SNX29: variants seen among roughly 807,000 people sequenced by gnomAD.
The protein encoded by SNX29 is sorting nexin-29.
SNX29 carries 78 observed loss-of-function variants against 102.1 expected under a neutral mutation model. The observed-to-expected ratio is 0.76, with a 90% CI of 0.64 to 0.92. The LOEUF is 0.92. SNX29 is among the 40% of genes least tolerant of loss of function. SNX29 has a pLI of 0.00. For synonymous variants in SNX29, 580 were observed against 414.5 expected, an observed-to-expected ratio of 1.40 and a Z score of -4.85; for missense variants, 1,280 against 1,061.7, an observed-to-expected ratio of 1.21 and a Z score of -2.86.
At chr16:12,479,699 A>G (rs1180770395) in intron 19 of SNX29, among the ~76,000 whole-genome samples, 2 of 152,242 alleles carry the variant, frequency 1.3e-5, no homozygotes, top group Non-Finnish European at 2.9e-5. Context: ...GTTATTCAGA[A>G]TGTCCTAAAA....
At chr16:12,049,399 C>T (rs62037740) in intron 7 of SNX29, among the ~76,000 whole-genome samples, 59,013 of 150,646 alleles carry the variant, frequency 0.39, 12,219 homozygotes, top group Middle Eastern at 0.5. Context: ...GTGGCATGAT[C>T]TCAGCTCACT....
chr16:12,359,454 C>G (rs2082239041), intron 16 of SNX29, among the ~76,000 whole-genome samples: 1 of 152,204 alleles, frequency 6.6e-6, no homozygotes, highest in Non-Finnish European at 1.5e-5. Flanking sequence ...CTTCTCACAG[C>G]CTTTGTCCAT....
chr16:12,266,733 G>T (rs1457601961), intron 14 of SNX29, among the ~76,000 whole-genome samples: 1 of 149,484 alleles, frequency 6.7e-6, no homozygotes, highest in Non-Finnish European at 1.5e-5. Flanking sequence ...GTGGTTCTTG[G>T]TCTTGTTCTT....
At chr16:12,369,944 C>G (rs1264284068) in intron 16 of SNX29, among the ~76,000 whole-genome samples, 1 of 152,210 alleles carries the variant, frequency 6.6e-6, no homozygotes, top group African/African-American at 2.4e-5. Flanking sequence ...AGGCCAGGCA[C>G]AGTGGCTGAT....
At chr16:12,568,219 T>C (rs2079094047) in intron 20 of SNX29, among the ~76,000 whole-genome samples, 2 of 150,700 alleles carry the variant, frequency 1.3e-5, no homozygotes, top group East Asian at 4.0e-4. Context: ...CATTCTTTCA[T>C]AGCCTTAAAA....
At position 12,098,615 on chromosome 16, in the gene SNX29, C is replaced by A. The variant is rs3851011; in HGVS notation, c.1402+19700C>A. On this transcript the variant is annotated intron_variant, in intron 11 of 20. Transcript: ENST00000566228. The surrounding 1 kb of genome is among the most constrained non-coding windows in gnomAD (Gnocchi z 6.0). ...CATGCTCTTCCGTCTGCCGGGACACCCTCCCCTCTCCTCCTCTTTTGCCTG... is the reference window on the plus strand; with the variant it reads ...CATGCTCTTCCGTCTGCCGGGACACACTCCCCTCTCCTCCTCTTTTGCCTG... Among the ~76,000 whole-genome samples the A allele has an allele frequency of 0.2, 30,026 of 152,122 alleles. 3,053 individuals are homozygous for A. Among genetic ancestry groups the A allele is most frequent in the Admixed American group, 0.25 (3,886 of 15,286 alleles).
At chr16:12,349,776 C>G (rs1424155192) in intron 15 of SNX29, among the ~76,000 whole-genome samples, 2 of 152,030 alleles carry the variant, frequency 1.3e-5, no homozygotes, top group African/African-American at 4.8e-5. Context: ...TGCAGTTTGG[C>G]TTTTTTTCAT....
intron 20 of SNX29, among the ~76,000 whole-genome samples, chr16:12,547,977 T>G (rs1327739834): frequency 1.3e-5 from 2 of 152,170 alleles, no homozygotes; most frequent in East Asian, 3.9e-4. Context: ...GGAGACAGCA[T>G]GGCACAGGGG....
chr16:12,072,204 G>A (rs895616685), intron 10 of SNX29, among the ~76,000 whole-genome samples: 2 of 151,938 alleles, frequency 1.3e-5, no homozygotes, highest in African/African-American at 4.8e-5. Context: ...TCAACACTAT[G>A]TTGAATAGGA....
At chr16:12,435,518 A>G (rs951921921) in intron 18 of SNX29, among the ~76,000 whole-genome samples, 7 of 152,158 alleles carry the variant, frequency 4.6e-5, no homozygotes, top group Admixed American at 1.3e-4. Context: ...GGCTTTGGCT[A>G]CTTCCATTTT....
chr16:12,078,447 G>A (rs1358215232), intron 10 of SNX29, among the ~76,000 whole-genome samples: 2 of 151,884 alleles, frequency 1.3e-5, no homozygotes, highest in African/African-American at 4.8e-5. Flanking sequence ...AGAAAGAAAA[G>A]TGGAAAAAAA....
At chr16:12,443,816 AAGTT>A (rs368715561) in intron 18 of SNX29, among the ~76,000 whole-genome samples, 12 of 152,242 alleles carry the variant, frequency 7.9e-5, no homozygotes, top group African/African-American at 2.4e-4. Flanking sequence ...TTGGTCTAGT[AAGTT>A]AGTCTGTCTG....
chr16:12,514,703 A>G (rs1051912941), intron 19 of SNX29, among the ~76,000 whole-genome samples: 3 of 152,148 alleles, frequency 2.0e-5, no homozygotes, highest in Non-Finnish European at 4.4e-5. Flanking sequence ...CGTCTCTAGT[A>G]AAAATAGAAA....
In SNX29 at chr16:12,366,315, A is replaced by G. The variant is rs184130353; in HGVS notation, c.1899+10036A>G. On this transcript the variant is annotated intron_variant, in intron 16 of 20. Coordinates refer to ENST00000566228, the MANE Select transcript of SNX29 (RefSeq NM_032167.5). ...CCCAAGGAACACTATTGCAGTCATT[A>G]TGTTCCAGAATTATTTCCCTGAGGA... Among the ~76,000 whole-genome samples the G allele has an allele frequency of 3.5e-4, 53 of 152,300 alleles. 1 individual carries two copies. The highest frequency in any genetic ancestry group is 7.2e-4 in the Admixed American group (11 of 15,300).
intron 15 of SNX29, among the ~76,000 whole-genome samples, chr16:12,346,599 A>G (rs989071878): frequency 6.6e-6 from 1 of 151,968 alleles, no homozygotes; most frequent in South Asian, 2.1e-4. Flanking sequence ...GAATTGGGGA[A>G]CCCGCTTAAA....
chr16:12,257,990 A>G (rs553564955), intron 14 of SNX29, among the ~76,000 whole-genome samples: 1 of 152,320 alleles, frequency 6.6e-6, no homozygotes, highest in South Asian at 2.1e-4. Flanking sequence ...CCTCACTGCT[A>G]TCGCCTGGGT....
chr16:12,431,416 T>TTTC (rs200429366), intron 18 of SNX29, among the ~76,000 whole-genome samples: 1,780 of 150,676 alleles, frequency 0.012, 47 homozygotes, highest in African/African-American at 0.041. Flanking sequence ...GGCTTGAGCT[T>TTTC]TTCTTCTTCT....
chr16:12,011,340 A>G (rs1182247397), intron 3 of SNX29, among the ~76,000 whole-genome samples: 1 of 150,812 alleles, frequency 6.6e-6, no homozygotes, highest in Non-Finnish European at 1.5e-5. Flanking sequence ...CAGTGGCGTG[A>G]TCTTGGCTCA....
At chr16:12,191,042 C>T (rs943968752) in intron 13 of SNX29, among the ~76,000 whole-genome samples, 3 of 152,116 alleles carry the variant, frequency 2.0e-5, no homozygotes, top group Non-Finnish European at 4.4e-5. Flanking sequence ...GCGTGGAAGA[C>T]AATTTTTCCA....
Sources: allele counts gnomAD v4.1 joint callset (sites outside exome capture counted in the v4.1 genomes callset), GRCh38; gene constraint gnomAD v4.1.1; non-coding constraint Gnocchi (gnomAD v3.1); transcripts MANE v1.5; gene names NCBI Gene and HGNC (gene_info 2026-07-23, HGNC 2026-07-21).